Variants in HSPG2 observed in about 807,000 individuals in gnomAD.
The protein encoded by HSPG2 is heparan sulfate proteoglycan 2, also known as basement membrane-specific heparan sulfate proteoglycan core protein.
HSPG2 carries 278 observed loss-of-function variants against 526.6 expected under a neutral mutation model. The observed-to-expected ratio is 0.53, with a 90% CI of 0.48 to 0.58. The LOEUF (loss-of-function observed/expected upper bound fraction) is 0.58. HSPG2 is among the 20% of genes least tolerant of loss of function. HSPG2 has a pLI of 0.00. For synonymous variants in HSPG2, 2,465 were observed against 2,555.4 expected, an observed-to-expected ratio of 0.96 and a Z score of 1.07; for missense variants, 5,354 against 6,099.5, an observed-to-expected ratio of 0.88 and a Z score of 4.07.
Position 21,872,289 on chromosome 1 carries a change from A to T in HSPG2, c.4118T>A (p.Val1373Glu). Residue 1373 changes from valine to glutamate, a missense_variant, in exon 33 of 97, where the codon GTG becomes GAG. Val to Glu is a moderately radical substitution (Grantham distance 121, BLOSUM62 -2). Coordinates refer to ENST00000374695, the MANE Select transcript of HSPG2 (RefSeq NM_005529.7). The surrounding 1 kb of genome is among the most constrained non-coding windows in gnomAD (Gnocchi z 5.5). ...CTGGGCACCCTCGGGCACGGGTTCC[A>T]CAGTGAATTCTCCTGTCAGGCGGCT... is the stretch of plus-strand genomic sequence containing the variant. ...RNSRLTGEFT[V>E]EPVPEGAQLS... 6.4e-7 allele frequency: 1 copy of T among 1,566,006 alleles called. No homozygotes were observed. Among genetic ancestry groups the T allele is most frequent in the Non-Finnish European group, 8.7e-7 (1 of 1,155,066 alleles).
Position 21,839,924 on chromosome 1 carries a change from C to T in HSPG2, c.9607G>A (p.Asp3203Asn). The change falls in exon 72 of 97, where the codon GAC becomes AAC. Residue 3203 changes from aspartate to asparagine, a missense_variant. Physicochemically the swap from Asp to Asn is conservative, Grantham distance 23 (BLOSUM62 1). Coordinates refer to ENST00000374695, the MANE Select transcript of HSPG2 (RefSeq NM_005529.7). This position sits in a 1 kb window ranked among gnomAD's most constrained non-coding sequence, Gnocchi z 4.5. Reference protein sequence around the residue: ...TAQKQVEVIVDTGAMAPGAPQ... With the variant: ...TAQKQVEVIVNTGAMAPGAPQ... Reference sequence around the variant, plus strand: ...GCCCCTGGGGCCATGGCGCCCGTGTCCACGATCACCTCCACCTGCTTCTGT... The same window carrying T: ...GCCCCTGGGGCCATGGCGCCCGTGTTCACGATCACCTCCACCTGCTTCTGT... The T allele has an allele frequency of 6.2e-7, 1 of 1,614,182 alleles. No homozygotes were observed. Among genetic ancestry groups the T allele is most frequent in the Middle Eastern group, 1.6e-4 (1 of 6,062 alleles).
At position 21,880,675 on chromosome 1, in the gene HSPG2, C is replaced by T. The variant is rs1401202152; in HGVS notation, c.1979G>A (p.Arg660His). The T allele has an allele frequency of 2.5e-6, 4 of 1,595,450 alleles. No homozygotes were observed. Among genetic ancestry groups the T allele is most frequent in the East Asian group, 2.3e-5 (1 of 44,058 alleles). The change falls in exon 15 of 97, where the codon CGC becomes CAC. Residue 660 changes from arginine (R) to histidine (H), a missense_variant. Physicochemically the swap from Arg to His is conservative, Grantham distance 29 (BLOSUM62 0). Coordinates refer to ENST00000374695, the MANE Select transcript of HSPG2 (RefSeq NM_005529.7). Reference protein sequence around the residue: ...TPTQPGALNQRQVQFSEEHWV... With the variant: ...TPTQPGALNQHQVQFSEEHWV... ...ACCCACCTCAGAGAACTGGACCTGG[C>T]GCTGGTTCAGAGCACCAGGTTGGGT...
chr1:21,867,134 T>TA (rs1553166964), intron 33 of HSPG2, among the ~76,000 whole-genome samples: 2 of 150,444 alleles, frequency 1.3e-5, no homozygotes, highest in South Asian at 2.1e-4. Flanking sequence ...TTTTTTTTTT[T>TA]AAATAGAGAT....
rs368114322 is a variant in HSPG2, at chr1:21,828,126, G to A, written c.12436C>T (p.Pro4146Ser). The change falls in exon 90 of 97, where the codon CCC becomes TCC. Residue 4146 changes from proline to serine, a missense_variant. By Grantham distance (74) the Pro-to-Ser change is moderately conservative. Transcript: ENST00000374695. This position sits in a 1 kb window ranked among gnomAD's most constrained non-coding sequence, Gnocchi z 6.0. ...KGDLCEHEEN[P>S]CQLREPCLHG... ...AGACAGGGTTCACGGAGCTGGCAGG[G>A]GTTCTCCTCGTGCTCACACAGGTCT... 29 of 1,612,976 alleles carry A rather than the reference G, an allele frequency of 1.8e-5. No homozygotes were observed. Among genetic ancestry groups the A allele is most frequent in the Non-Finnish European group, 2.5e-5 (29 of 1,179,924 alleles).
At position 21,841,953 on chromosome 1, in the gene HSPG2, C is replaced by A. The variant is rs757939696; in HGVS notation, c.9193+49G>T. The stretch of plus-strand genomic sequence containing the variant: ...CCCTTGCACAGTGGGGATGACGGCA[C>A]CCCCATGCCTGCCCCCAGCTTGCCC... On this transcript the variant is annotated intron_variant, in intron 69 of 96. Coordinates refer to ENST00000374695, the MANE Select transcript of HSPG2 (RefSeq NM_005529.7). The A allele has an allele frequency of 8.1e-6, 13 of 1,604,118 alleles. No homozygotes were observed. The Admixed American group carries it at 1.7e-4, about 21-fold the overall frequency.
rs549082790 is a variant in HSPG2 at position 21,829,708 on chromosome 1, G to C, written c.11771-104C>G. ...GGACCCTTGCCTGCCTCACTCTCCA[G>C]GCCCAGAGGCTCAGGACCAGTTGGC... is the stretch of plus-strand genomic sequence containing the variant. On this transcript the variant is annotated intron_variant, in intron 86 of 96. Transcript: ENST00000374695. 2.9e-6 allele frequency: 3 copies of C among 1,022,906 alleles called. No individual in the cohort carries two copies. The South Asian group carries it at 4.8e-5, about 16-fold the overall frequency. The allele number at this position is 1,022,906 out of a possible 1,614,324, so 63.4% of individuals were successfully genotyped here. A position where few individuals can be genotyped will look rare whatever the true frequency, so the allele number is the denominator to read the frequency against.
intron 1 of HSPG2, among the ~76,000 whole-genome samples, chr1:21,913,595 G>T (rs1643782701): frequency 6.6e-6 from 1 of 152,204 alleles, no homozygotes; most frequent in Admixed American, 6.5e-5. Context: ...GGTCCCCCCA[G>T]CCAAAGGGTA....
chr1:21,879,250 C>A lies in HSPG2; in HGVS notation c.2344-129G>T. 3.9e-6 allele frequency: 4 copies of A among 1,021,292 alleles called. 1 individual carries two copies. Among genetic ancestry groups the A allele is most frequent in the Admixed American group, 2.0e-5 (1 of 50,876 alleles). The allele number at this position is 1,021,292 out of a possible 1,614,324, so 63.3% of individuals were successfully genotyped here. On this transcript the variant is annotated intron_variant, in intron 17 of 96. Transcript: ENST00000374695. ...AGGCACAGCTTTGCAGACAGGGGAGCATCAACTGCAACCACTTATAGATGA... is the reference window on the plus strand; with the variant it reads ...AGGCACAGCTTTGCAGACAGGGGAGAATCAACTGCAACCACTTATAGATGA...
At chr1:21,891,414 C>T (rs558449509) in intron 3 of HSPG2, among the ~76,000 whole-genome samples, 11 of 152,176 alleles carry the variant, frequency 7.2e-5, no homozygotes, top group Non-Finnish European at 1.3e-4. Context: ...TCACCTGGCA[C>T]ACAGCAAACC....
rs552779460 is a variant in HSPG2, at chr1:21,830,285, G to A, written c.11672-194C>T. ...AGAAGAGGCCACAGGGAGGACTGCA[G>A]GGGAAGCAGTCGAGGGACTCTGTGT... On this transcript the variant is annotated intron_variant, in intron 85 of 96. Coordinates refer to ENST00000374695, the MANE Select transcript of HSPG2 (RefSeq NM_005529.7). 3.5e-3 allele frequency: 2,158 copies of A among 610,082 alleles called. 38 individuals carry two copies. The highest frequency in any genetic ancestry group is 0.022 in the South Asian group (1,161 of 52,102). 37.8% of individuals were successfully genotyped at this position (610,082 alleles called of 1,614,324 possible).
chr1:21,828,211 C>CACCT lies in HSPG2; in HGVS notation c.12409+40_12409+43dup, dbSNP rs759423412. On this transcript the variant is annotated intron_variant, in intron 89 of 96. Coordinates refer to ENST00000374695, the MANE Select transcript of HSPG2 (RefSeq NM_005529.7). This position sits in a 1 kb window ranked among gnomAD's most constrained non-coding sequence, Gnocchi z 6.0. ...GGCATGGGCTGGAGGTGTCGCTGACCACCTGTGCCCCTCCCCTCCGGTGCC... is the reference window on the plus strand; with the variant it reads ...GGCATGGGCTGGAGGTGTCGCTGACCACCTACCTGTGCCCCTCCCCTCCGGTGCC... 1 of 1,613,000 alleles carries CACCT rather than the reference C, an allele frequency of 6.2e-7. No individual in the cohort carries two copies. The highest frequency in any genetic ancestry group is 1.7e-5 in the Admixed American group (1 of 60,030).
Position 21,887,121 on chromosome 1 carries a change from G to C in HSPG2, c.1078+94C>G. The C allele has an allele frequency of 8.4e-7, 1 of 1,185,636 alleles. No homozygotes were observed. Among genetic ancestry groups the C allele is most frequent in the Non-Finnish European group, 1.2e-6 (1 of 857,904 alleles). 73.4% of individuals were successfully genotyped at this position (1,185,636 alleles called of 1,614,324 possible). A position where few individuals can be genotyped will look rare whatever the true frequency, so the allele number is the denominator to read the frequency against. ...GACTGGGGAGGGGGGAAAGCGGAGG[G>C]GCAGGGTAGGGGCGGGGCAGGAGTG... On this transcript the variant is annotated intron_variant, in intron 9 of 96. Transcript: ENST00000374695. This position sits in a 1 kb window ranked among gnomAD's most constrained non-coding sequence, Gnocchi z 5.0.
Position 21,850,126 on chromosome 1 carries a change from AG to A in HSPG2, c.7360del (p.Leu2454TrpfsTer3). On this transcript the variant is annotated frameshift_variant, in exon 57 of 97. Transcript: ENST00000374695. LOFTEE classifies it high-confidence loss of function. ...ACCAGCAACGAGGCAGTTCAGGTCC[AG>A]GGTCTGCCCCTCGGCCACTTGCGAA... ...SSSQVAEGQT[L>X]DLNCLVAGQA... 1 of 1,613,430 alleles carries A rather than the reference AG, an allele frequency of 6.2e-7. No individual in the cohort carries two copies.
chr1:21,827,778 G>T (rs2097982812), intron 91 of HSPG2, 85 bp downstream of exon 91: 2 of 1,381,250 alleles, frequency 1.4e-6, no homozygotes, highest in African/African-American at 2.9e-5. Flanking sequence ...AAGCTGTTTT[G>T]CTTGCAGGCC....
rs2097985979 is a variant in HSPG2, at chr1:21,828,343, TGGG to T, written c.12318_12320del (p.Pro4107del). On this transcript the variant is annotated inframe_deletion, in exon 89 of 97. Coordinates refer to ENST00000374695, the MANE Select transcript of HSPG2 (RefSeq NM_005529.7). The surrounding 1 kb of genome is among the most constrained non-coding windows in gnomAD (Gnocchi z 6.0). ...CATGTTGGCAAGGCTGGCGCTCACA[TGGG>T]GAGCTATCATAGCATTGCCCGATGC... 9 of 1,613,638 alleles carry T rather than the reference TGGG, an allele frequency of 5.6e-6. No individual in the cohort carries two copies. Among genetic ancestry groups the T allele is most frequent in the African/African-American group, 1.3e-5 (1 of 74,900 alleles).
Position 21,885,072 on chromosome 1 carries a change from G to A in HSPG2, c.1296C>T (p.Gly432=), listed in dbSNP as rs776288943. 1.9e-5 allele frequency: 31 copies of A among 1,613,672 alleles called. No homozygotes were observed. Among genetic ancestry groups the A allele is most frequent in the Non-Finnish European group, 2.5e-5 (30 of 1,179,980 alleles). Residue 432 remains glycine, a synonymous_variant, in exon 11 of 97, where the codon GGC becomes GGT. Transcript: ENST00000374695. ...TCCAATTGATGATGGGGGTGGGGAC[G>A]CCAATGGCCACGCAGGTGAAGGTCA... The part of the protein sequence containing the change: ...QTVTFTCVAI[G]VPTPIINWRL...
chr1:21,915,522 G>A (rs1643868656), intron 1 of HSPG2, among the ~76,000 whole-genome samples: 2 of 152,146 alleles, frequency 1.3e-5, no homozygotes, highest in African/African-American at 4.8e-5. Flanking sequence ...AAGAAAGCAG[G>A]AAGAGCCCAG....
intron 1 of HSPG2, among the ~76,000 whole-genome samples, chr1:21,925,989 C>T (rs1644180343): frequency 1.3e-5 from 2 of 151,980 alleles, no homozygotes; most frequent in Admixed American, 6.6e-5. Context: ...GCCACCACGC[C>T]CGGCTAATTT....
chr1:21,851,947 G>A, intron 53 of HSPG2, 21 bp from the exon 54 acceptor site: 2 of 1,603,890 alleles, frequency 1.2e-6, no homozygotes, highest in Non-Finnish European at 1.7e-6. Flanking sequence ...GTGGGCAGAG[G>A]TGTGAGGGGG....
Sources: allele counts gnomAD v4.1 joint callset (sites outside exome capture counted in the v4.1 genomes callset), GRCh38; gene constraint gnomAD v4.1.1; non-coding constraint Gnocchi (gnomAD v3.1); transcripts MANE v1.5; gene names NCBI Gene and HGNC (gene_info 2026-07-23, HGNC 2026-07-21).